ST18: variants seen among roughly 807,000 people sequenced by gnomAD.
ST18 encodes the protein ST18 C2H2C-type zinc finger transcription factor.
A neutral mutation model predicts 110.0 loss-of-function variants in ST18; 50 were observed. The ratio of observed to expected loss-of-function variants is 0.45; its 90% CI spans 0.36 to 0.58. ST18 has a LOEUF of 0.58. Among genes scored for constraint, ST18 ranks in the 20% least tolerant of loss-of-function variants. ST18 has a pLI of 0.00. For missense variants in ST18, 1,306 were observed against 1,280.1 expected, an observed-to-expected ratio of 1.02 and a Z score of -0.31; for synonymous variants, 461 against 452.4, an observed-to-expected ratio of 1.02 and a Z score of -0.24.
intron 2 of ST18, among the ~76,000 whole-genome samples, chr8:52,235,674 C>G (rs1288565723): frequency 2.0e-5 from 3 of 152,112 alleles, no homozygotes; most frequent in Admixed American, 2.0e-4. Flanking sequence ...AAGCTTAAAA[C>G]AGGTAATATC....
At chr8:52,248,301 T>C (rs1431993852) in intron 2 of ST18, among the ~76,000 whole-genome samples, 1 of 152,182 alleles carries the variant, frequency 6.6e-6, no homozygotes, top group Non-Finnish European at 1.5e-5. Context: ...ATTCTAACAT[T>C]AAATGACAGT....
intron 2 of ST18, among the ~76,000 whole-genome samples, chr8:52,284,040 G>A (rs112120631): frequency 1.3e-5 from 2 of 152,224 alleles, no homozygotes; most frequent in Non-Finnish European, 2.9e-5. Flanking sequence ...CACTTTAATC[G>A]GCATTGGTAC....
chr8:52,306,046 C>T (rs1026487029), intron 2 of ST18, among the ~76,000 whole-genome samples: 1 of 152,218 alleles, frequency 6.6e-6, no homozygotes, highest in Non-Finnish European at 1.5e-5. Context: ...CCTATACCTC[C>T]CCACTCGGCC....
chr8:52,124,909 A>G (rs2046414634), intron 23 of ST18, among the ~76,000 whole-genome samples: 1 of 152,190 alleles, frequency 6.6e-6, no homozygotes, highest in Non-Finnish European at 1.5e-5. Flanking sequence ...AAAATCACAC[A>G]CACAAATTAA....
At chr8:52,224,756 T>C (rs1257613742) in intron 3 of ST18, among the ~76,000 whole-genome samples, 1 of 152,250 alleles carries the variant, frequency 6.6e-6, no homozygotes, top group Non-Finnish European at 1.5e-5. Flanking sequence ...CTTTATCACC[T>C]TTTAACATTT....
At chr8:52,116,497 A>C (rs750367441) in intron 24 of ST18, 79 bp from the exon 25 acceptor site, 13 of 1,430,244 alleles carry the variant, frequency 9.1e-6, no homozygotes, top group Non-Finnish European at 1.2e-5. Flanking sequence ...AGGAAAATGC[A>C]CCAAGTGCAT....
In ST18 at chr8:52,286,107, G is replaced by A. The variant is rs78792588; in HGVS notation, c.-464-56030C>T. 6.4e-3 allele frequency among the ~76,000 whole-genome samples: 971 copies of A among 152,120 alleles called. 9 individuals are homozygous for A. Among genetic ancestry groups the A allele is most frequent in the African/African-American group, 0.022 (897 of 41,500 alleles). The stretch of plus-strand genomic sequence containing the variant: ...TTTGCCTTTCTTTCCTATTAAGTTC[G>A]TTTGGCTGCCTAGAATAATTAATTG... On this transcript the variant is annotated intron_variant, in intron 2 of 25. Coordinates refer to ENST00000689386, the MANE Select transcript of ST18 (RefSeq NM_001352837.2).
intron 19 of ST18, 83 bp downstream of exon 19, chr8:52,136,507 T>G: frequency 7.4e-7 from 1 of 1,359,808 alleles, no homozygotes; most frequent in Non-Finnish European, 1.0e-6. Context: ...TTGTTGCTGA[T>G]CACTTGGGCA....
At chr8:52,121,855 A>G (rs1297893442) in intron 23 of ST18, among the ~76,000 whole-genome samples, 1 of 151,922 alleles carries the variant, frequency 6.6e-6, no homozygotes, top group Non-Finnish European at 1.5e-5. Flanking sequence ...TATTATTATT[A>G]TTATTTTTTG....
chr8:52,157,223 T>C (rs2060256966), intron 15 of ST18, among the ~76,000 whole-genome samples: 1 of 152,200 alleles, frequency 6.6e-6, no homozygotes, highest in Admixed American at 6.5e-5. Flanking sequence ...TTAGTCATCT[T>C]TGTTTGATAT....
chr8:52,150,573 C>T (rs554002560), intron 15 of ST18, among the ~76,000 whole-genome samples: 4 of 152,212 alleles, frequency 2.6e-5, no homozygotes, highest in East Asian at 1.9e-4. Context: ...TAAATTGTGG[C>T]GGGCAGGGAG....
At chr8:52,214,302 A>C in intron 6 of ST18, 45 bp from the exon 7 acceptor site, 4 of 1,597,684 alleles carry the variant, frequency 2.5e-6, no homozygotes, top group Non-Finnish European at 3.4e-6. Context: ...TTTGACATTG[A>C]CCAAAATATG....
chr8:52,307,895 G>A (rs1036577354), intron 2 of ST18, among the ~76,000 whole-genome samples: 3 of 152,164 alleles, frequency 2.0e-5, no homozygotes, highest in African/African-American at 7.2e-5. Flanking sequence ...ATTTTGCTTG[G>A]AAAGGGTAAA....
chr8:52,352,029 G>A (rs987541129), intron 2 of ST18, among the ~76,000 whole-genome samples: 9 of 152,148 alleles, frequency 5.9e-5, no homozygotes, highest in African/African-American at 2.2e-4. Context: ...ATGTGGCATC[G>A]ATGAAAACCC....
In ST18 at chr8:52,329,096, T is replaced by TA. The variant is rs1448047878; in HGVS notation, c.-465+80231dup. On this transcript the variant is annotated intron_variant, in intron 2 of 25. Transcript: ENST00000689386. ...CTCTCACCCAGCATATTCCAATGAC[T>TA]AAAAAACAGGAGAATCTTTTTAGAG... Among the ~76,000 whole-genome samples, 4 of 152,144 alleles carry TA rather than the reference T, an allele frequency of 2.6e-5. No individual in the cohort carries two copies. The East Asian group carries it at 7.7e-4, about 29-fold the overall frequency.
intron 15 of ST18, among the ~76,000 whole-genome samples, chr8:52,150,210 T>C (rs1430689406): frequency 6.6e-6 from 1 of 152,074 alleles, no homozygotes; most frequent in Non-Finnish European, 1.5e-5. Flanking sequence ...TTAATGTAAA[T>C]AAGATGCTCC....
chr8:52,276,112 CCGCACCTAT>C (rs1239591431), intron 2 of ST18, among the ~76,000 whole-genome samples: 11 of 37,850 alleles, frequency 2.9e-4, no homozygotes, highest in Non-Finnish European at 4.5e-4. Context: ...GAAACACACA[CCGCACCTAT>C]CACATACCAC....
chr8:52,170,988 G>T (rs2064746929), intron 10 of ST18, among the ~76,000 whole-genome samples: 1 of 152,084 alleles, frequency 6.6e-6, no homozygotes, highest in Non-Finnish European at 1.5e-5. Flanking sequence ...TAATTTTGTG[G>T]CTCTCGGGTT....
intron 2 of ST18, among the ~76,000 whole-genome samples, chr8:52,388,924 C>T (rs1200115351): frequency 6.7e-6 from 1 of 149,324 alleles, no homozygotes; most frequent in African/African-American, 2.5e-5. Flanking sequence ...ATGTAACTAA[C>T]CTGCACATTG....
Sources: allele counts gnomAD v4.1 joint callset (sites outside exome capture counted in the v4.1 genomes callset), GRCh38; gene constraint gnomAD v4.1.1; transcripts MANE v1.5; gene names NCBI Gene and HGNC (gene_info 2026-07-23, HGNC 2026-07-21).